Variants in PINX1 observed in about 807,000 individuals in gnomAD.
PINX1 encodes the protein PIN2/TERF1-interacting telomerase inhibitor 1.
In PINX1, 34 loss-of-function variants were observed where a neutral mutation model predicts 25.4. The observed-to-expected ratio is 1.34, with a 90% CI of 1.02 to 1.78. The LOEUF is 1.78. Among genes scored for constraint, PINX1 ranks in the 40% most tolerant of loss-of-function variants. The pLI is 0.00. For synonymous variants in PINX1, 197 were observed against 147.7 expected (o/e 1.33, Z -2.42); for missense variants, 592 against 404.9 (o/e 1.46, Z -3.97).
At chr8:10,790,916 C>A (rs189520087) in intron 6 of PINX1, among the ~76,000 whole-genome samples, 1 of 152,106 alleles carries the variant, frequency 6.6e-6, no homozygotes, top group African/African-American at 2.4e-5. Context: ...CCCCCTCCCT[C>A]CCCCAGTTTT....
intron 6 of PINX1, among the ~76,000 whole-genome samples, chr8:10,772,826 G>A (rs1801270993): frequency 6.6e-6 from 1 of 152,224 alleles, no homozygotes; most frequent in Non-Finnish European, 1.5e-5. Flanking sequence ...ACAGGTGTAA[G>A]AACCTGTGGC....
chr8:10,785,620 T>C (rs1251635619), intron 6 of PINX1, among the ~76,000 whole-genome samples: 3 of 152,176 alleles, frequency 2.0e-5, no homozygotes, highest in Non-Finnish European at 4.4e-5. Flanking sequence ...TAAGCTGGGG[T>C]TGAAGCTGTT....
intron 6 of PINX1, among the ~76,000 whole-genome samples, chr8:10,773,435 A>C (rs1231782051): frequency 6.6e-6 from 1 of 152,192 alleles, no homozygotes; most frequent in African/African-American, 2.4e-5. Context: ...ATCAAAGAGC[A>C]CTCTCAGCAA....
chr8:10,793,387 G>GGAA (rs1476708845), intron 6 of PINX1, among the ~76,000 whole-genome samples: 2 of 152,140 alleles, frequency 1.3e-5, no homozygotes, highest in African/African-American at 4.8e-5. Flanking sequence ...GGGCCACGCT[G>GGAA]GAAGAAGAAG....
chr8:10,789,125 T>C (rs1028353501), intron 6 of PINX1, among the ~76,000 whole-genome samples: 6 of 152,106 alleles, frequency 3.9e-5, no homozygotes, highest in East Asian at 1.9e-4. Context: ...AGGCATCTCA[T>C]AGGCAGACAG....
At chr8:10,827,838 G>A (rs1322749629) in intron 4 of PINX1, among the ~76,000 whole-genome samples, 11 of 149,334 alleles carry the variant, frequency 7.4e-5, no homozygotes, top group African/African-American at 2.7e-4. Flanking sequence ...GTGAACCTGG[G>A]AGGCAGAGCT....
At chr8:10,798,068 C>T (rs745809194) in intron 6 of PINX1, among the ~76,000 whole-genome samples, 55 of 152,200 alleles carry the variant, frequency 3.6e-4, no homozygotes, top group African/African-American at 5.8e-4. Context: ...GAGGAATAGA[C>T]GGGGAGACAG....
intron 6 of PINX1, among the ~76,000 whole-genome samples, chr8:10,795,559 C>T (rs1442824292): frequency 6.6e-6 from 1 of 152,178 alleles, no homozygotes; most frequent in African/African-American, 2.4e-5. Context: ...CACTACCATG[C>T]CTGGCTAATT....
At chr8:10,839,704 G>C in intron 1 of PINX1, 34 bp downstream of exon 1, 1 of 1,594,490 alleles carries the variant, frequency 6.3e-7, no homozygotes. Context: ...CTTCACCAAC[G>C]CGCCTGGGTC....
chr8:10,789,987 C>T (rs1324382575), intron 6 of PINX1, among the ~76,000 whole-genome samples: 9 of 152,166 alleles, frequency 5.9e-5, no homozygotes, highest in Non-Finnish European at 1.3e-4. Flanking sequence ...GGGCAGAGTG[C>T]TCTCTCTGTG....
rs765838637 is a variant in PINX1, at chr8:10,765,782, A to G, written c.606T>C (p.Ile202=). Residue 202 remains isoleucine, a synonymous_variant, in exon 7 of 7, where the codon ATT becomes ATC. Coordinates refer to ENST00000314787, the MANE Select transcript of PINX1 (RefSeq NM_017884.6). The part of the protein sequence containing the change: ...KPQVPVPGSD[I]SETQVERKRG... ...TTTTACGTTCCACCTGCGTCTCAGAAATGTCAGACCCTGGAACTGGAACCT... is the reference window on the plus strand; with the variant it reads ...TTTTACGTTCCACCTGCGTCTCAGAGATGTCAGACCCTGGAACTGGAACCT... 2 of 1,613,886 alleles carry G rather than the reference A, an allele frequency of 1.2e-6. No individual in the cohort carries two copies. The highest frequency in any genetic ancestry group is 1.7e-6 in the Non-Finnish European group (2 of 1,179,892).
Position 10,765,879 on chromosome 8 carries a change from G to C in PINX1, c.509C>G (p.Thr170Ser). 1.2e-6 allele frequency: 2 copies of C among 1,613,914 alleles called. No individual in the cohort carries two copies. Among genetic ancestry groups the C allele is most frequent in the Non-Finnish European group, 1.7e-6 (2 of 1,179,898 alleles). Residue 170 changes from threonine (T) to serine (S), a missense_variant, in exon 7 of 7, where the codon ACC becomes AGC. Coordinates refer to ENST00000314787, the MANE Select transcript of PINX1 (RefSeq NM_017884.6). ...ASPSTPEENE[T>S]TTTSAFTIQE... Reference sequence around the variant, plus strand: ...GATGGTGAAGGCGCTGGTTGTCGTGGTTTCGTTCTCCTCTGGAGTGGAGGG... The same window carrying C: ...GATGGTGAAGGCGCTGGTTGTCGTGCTTTCGTTCTCCTCTGGAGTGGAGGG...
chr8:10,772,601 C>T (rs773898598), intron 6 of PINX1, among the ~76,000 whole-genome samples: 5 of 152,218 alleles, frequency 3.3e-5, no homozygotes, highest in Non-Finnish European at 7.3e-5. Context: ...CACCAAGTCT[C>T]GGCAATGAGC....
chr8:10,797,975 C>T (rs1448963497), intron 6 of PINX1, among the ~76,000 whole-genome samples: 1 of 152,156 alleles, frequency 6.6e-6, no homozygotes, highest in Admixed American at 6.5e-5. Flanking sequence ...CTACTTCACT[C>T]TATCAGAAAT....
chr8:10,803,377 CT>C (rs1320021714), intron 6 of PINX1, among the ~76,000 whole-genome samples: 5 of 152,200 alleles, frequency 3.3e-5, no homozygotes, highest in African/African-American at 1.2e-4. Context: ...TCCTCACCAG[CT>C]CATGGACGTC....
intron 6 of PINX1, among the ~76,000 whole-genome samples, chr8:10,801,178 C>A (rs936118787): frequency 6.6e-6 from 1 of 152,116 alleles, no homozygotes; most frequent in African/African-American, 2.4e-5. Flanking sequence ...AGATTAATCA[C>A]GCCTATCCTG....
chr8:10,779,394 C>G (rs2129073389), intron 6 of PINX1, among the ~76,000 whole-genome samples: 1 of 152,274 alleles, frequency 6.6e-6, no homozygotes, highest in African/African-American at 2.4e-5. Flanking sequence ...TGAAATGAAA[C>G]AAACTTGATT....
chr8:10,773,012 A>G (rs554391247), intron 6 of PINX1, among the ~76,000 whole-genome samples: 2 of 152,256 alleles, frequency 1.3e-5, no homozygotes, highest in Non-Finnish European at 2.9e-5. Context: ...TGAATTTCAA[A>G]TACCAGTGTC....
chr8:10,801,482 G>A (rs1375197444), intron 6 of PINX1, among the ~76,000 whole-genome samples: 1 of 152,208 alleles, frequency 6.6e-6, no homozygotes, highest in African/African-American at 2.4e-5. Context: ...AGCAGGTATG[G>A]TGTGGTCCCC....
Sources: gnomAD v4.1 joint callset for allele counts (sites outside exome capture counted in the v4.1 genomes callset) on GRCh38, gnomAD v4.1.1 for gene constraint, MANE v1.5 for transcripts, NCBI Gene and HGNC (gene_info 2026-07-23, HGNC 2026-07-21) for gene names.